SCN11A: variants seen among roughly 807,000 people sequenced by gnomAD.
SCN11A encodes sodium channel protein type 11 subunit alpha.
SCN11A carries 122 observed loss-of-function variants against 162.2 expected under a neutral mutation model. The observed-to-expected ratio is 0.75, with a 90% CI of 0.65 to 0.87. SCN11A has a LOEUF of 0.87. SCN11A is among the 40% of genes least tolerant of loss of function. SCN11A has a pLI of 0.00. For missense variants in SCN11A, 2,015 were observed against 2,181.6 expected, an observed-to-expected ratio of 0.92 and a Z score of 1.52; for synonymous variants, 758 against 751.5, an observed-to-expected ratio of 1.01 and a Z score of -0.14.
At chr3:39,024,074 A>G (rs2031522924) in intron 2 of SCN11A, among the ~76,000 whole-genome samples, 1 of 152,220 alleles carries the variant, frequency 6.6e-6, no homozygotes, top group East Asian at 1.9e-4. Context: ...CCCCATCACA[A>G]GTGTCACTGC....
chr3:38,914,435 C>T (rs2065930372), intron 11 of SCN11A, among the ~76,000 whole-genome samples: 1 of 152,154 alleles, frequency 6.6e-6, no homozygotes. Context: ...TATCTGCAAA[C>T]AGGAATAGTT....
rs555941723 is a variant in SCN11A at position 39,038,647 on chromosome 3, C to T, written c.-403-6144G>A. 6.6e-5 allele frequency among the ~76,000 whole-genome samples: 10 copies of T among 152,326 alleles called. No homozygotes were observed. In the South Asian group the frequency reaches 1.9e-3, roughly 28 times the overall value. ...TGTCATCAGTTACCACATCCATCAA[C>T]CCAATTCCAAGTCTAGAACCATCCA... On this transcript the variant is annotated intron_variant, in intron 1 of 29. Coordinates refer to ENST00000302328, the MANE Select transcript of SCN11A (RefSeq NM_001349253.2).
chr3:39,036,841 T>G (rs563099025), intron 1 of SCN11A, among the ~76,000 whole-genome samples: 2 of 152,060 alleles, frequency 1.3e-5, no homozygotes, highest in Non-Finnish European at 2.9e-5. Flanking sequence ...CAAATGCTAG[T>G]GGAGAAAAGG....
chr3:38,934,088 G>C (rs891196153), intron 7 of SCN11A, among the ~76,000 whole-genome samples: 2 of 152,280 alleles, frequency 1.3e-5, no homozygotes, highest in Admixed American at 6.5e-5. Flanking sequence ...TTAAAGAAAA[G>C]AATTTTCAAC....
Position 38,868,365 on chromosome 3 carries a change from C to T in SCN11A, c.3814-907G>A, listed in dbSNP as rs573415274. Among the ~76,000 whole-genome samples, 3 of 152,230 alleles carry T rather than the reference C, an allele frequency of 2.0e-5. No homozygotes were observed. The South Asian group carries it at 6.2e-4, about 32-fold the overall frequency. On this transcript the variant is annotated intron_variant, in intron 26 of 29. Transcript: ENST00000302328. ...TTTAGTCCAAGTTTGCTTGAGGCATCCATTTATTTGAACAAAAGGTAGACA... is the reference window on the plus strand; with the variant it reads ...TTTAGTCCAAGTTTGCTTGAGGCATTCATTTATTTGAACAAAAGGTAGACA...
intron 2 of SCN11A, among the ~76,000 whole-genome samples, chr3:39,027,779 T>C (rs940373214): frequency 1.2e-4 from 18 of 152,202 alleles, no homozygotes; most frequent in Non-Finnish European, 2.5e-4. Context: ...AACTAGCAGA[T>C]GATTAAAGCT....
rs748810309 is a variant in SCN11A at position 38,905,326 on chromosome 3, A to C, written c.1474-5T>G. On this transcript the variant is annotated splice_region_variant and splice_polypyrimidine_tract_variant and intron_variant, in intron 14 of 29. Coordinates refer to ENST00000302328, the MANE Select transcript of SCN11A (RefSeq NM_001349253.2). ...GGTTTGCTCTAGGAGCTGTGGCTGT[A>C]AGAGAAGGCATAGGGCACCTTCTAA... The C allele has an allele frequency of 6.8e-6, 11 of 1,612,904 alleles. No individual in the cohort carries two copies. The African/African-American group carries it at 1.5e-4, about 22-fold the overall frequency.
intron 5 of SCN11A, among the ~76,000 whole-genome samples, chr3:38,948,869 C>A (rs533906430): frequency 6.6e-6 from 1 of 152,286 alleles, no homozygotes; most frequent in East Asian, 1.9e-4. Context: ...AGTTAACTCA[C>A]CTCCAACAAC....
intron 7 of SCN11A, among the ~76,000 whole-genome samples, chr3:38,938,245 G>A (rs1191791144): frequency 1.3e-5 from 2 of 151,766 alleles, no homozygotes; most frequent in Admixed American, 6.6e-5. Flanking sequence ...TGGGCGGAGT[G>A]GGGAGGGATA....
chr3:38,950,058 CCCCCACCCCCA>C (rs1223559018), intron 5 of SCN11A, 27 bp downstream of exon 5: 4 of 91,634 alleles, frequency 4.4e-5, no homozygotes, highest in Admixed American at 1.3e-4. Flanking sequence ...GGTTAGAACA[CCCCCACCCCCA>C]CCCCCCCCCC....
At chr3:38,971,506 C>T (rs1373791017) in intron 2 of SCN11A, among the ~76,000 whole-genome samples, 1 of 152,194 alleles carries the variant, frequency 6.6e-6, no homozygotes, top group Non-Finnish European at 1.5e-5. Flanking sequence ...CGCACTCATG[C>T]CAGAGACTTA....
chr3:38,951,506 C>T (rs1575330516), intron 4 of SCN11A, among the ~76,000 whole-genome samples: 1 of 152,376 alleles, frequency 6.6e-6, no homozygotes, highest in South Asian at 2.1e-4. Flanking sequence ...GCGCCCAGTC[C>T]CATCGACCGC....
At chr3:39,030,372 C>A (rs984014245) in intron 2 of SCN11A, among the ~76,000 whole-genome samples, 1 of 152,150 alleles carries the variant, frequency 6.6e-6, no homozygotes, top group South Asian at 2.1e-4. Context: ...CCAGTCTCAA[C>A]GGCAGAAAAG....
intron 28 of SCN11A, among the ~76,000 whole-genome samples, chr3:38,852,752 G>GA (rs562102099): frequency 1.3e-5 from 2 of 151,978 alleles, no homozygotes; most frequent in Admixed American, 6.6e-5. Context: ...TTTAGAGATG[G>GA]AAAAAAAATC....
At chr3:39,001,937 T>C (rs922653243) in intron 2 of SCN11A, among the ~76,000 whole-genome samples, 1 of 151,806 alleles carries the variant, frequency 6.6e-6, no homozygotes, top group Admixed American at 6.6e-5. Context: ...CTCAGGAGGC[T>C]GAGGCAGGAG....
intron 2 of SCN11A, among the ~76,000 whole-genome samples, chr3:39,003,648 A>G (rs2030882280): frequency 6.6e-6 from 1 of 152,222 alleles, no homozygotes; most frequent in African/African-American, 2.4e-5. Context: ...ACTTCCACCA[A>G]CAGTGTATGT....
At chr3:38,923,948 GC>G (rs2066094470) in intron 9 of SCN11A, among the ~76,000 whole-genome samples, 1 of 152,134 alleles carries the variant, frequency 6.6e-6, no homozygotes, top group Non-Finnish European at 1.5e-5. Context: ...GAGTCCCTGA[GC>G]CAAAGTTTCC....
At chr3:38,857,630 TAAG>T (rs1368948045) in intron 28 of SCN11A, among the ~76,000 whole-genome samples, 1 of 151,998 alleles carries the variant, frequency 6.6e-6, no homozygotes, top group East Asian at 1.9e-4. Flanking sequence ...GACAACCAAA[TAAG>T]AAGCTCGAAG....
chr3:38,870,564 T>C (rs2065108936), intron 26 of SCN11A, 127 bp downstream of exon 26: 6 of 722,954 alleles, frequency 8.3e-6, no homozygotes, highest in Non-Finnish European at 1.2e-5. Context: ...TAGTGTTTTG[T>C]TCCAAAGAAA....
Sources: allele counts gnomAD v4.1 joint callset (sites outside exome capture counted in the v4.1 genomes callset), GRCh38; gene constraint gnomAD v4.1.1; transcripts MANE v1.5; gene names NCBI Gene and HGNC (gene_info 2026-07-23, HGNC 2026-07-21).